Variants in DNM3 observed in about 807,000 individuals in gnomAD.
DNM3 encodes dynamin-3.
DNM3 carries 47 observed loss-of-function variants against 101.6 expected under a neutral mutation model. The observed-to-expected ratio is 0.46, with a 90% CI of 0.37 to 0.59. The LOEUF (loss-of-function observed/expected upper bound fraction) is 0.59. DNM3 is among the 20% of genes least tolerant of loss of function. The probability of loss-of-function intolerance (pLI) is 0.00; values close to 1 mark genes in which losing one functional copy is unlikely to be tolerated. For missense variants in DNM3, 849 were observed against 1,085.7 expected (o/e 0.78, Z 3.06); for synonymous variants, 385 against 387.9 (o/e 0.99, Z 0.09).
intron 2 of DNM3, among the ~76,000 whole-genome samples, chr1:171,945,681 G>A (rs999581514): frequency 6.6e-6 from 1 of 152,110 alleles, no homozygotes; most frequent in African/African-American, 2.4e-5. Context: ...ACTGAAAAGT[G>A]TCTTCCTAAA....
chr1:172,387,623 A>G lies in DNM3; in HGVS notation c.2285+264A>G, dbSNP rs535206282. Among the ~76,000 whole-genome samples, 32 of 150,878 alleles carry G rather than the reference A, an allele frequency of 2.1e-4. No individual in the cohort carries two copies. The South Asian group carries it at 6.5e-3, about 31-fold the overall frequency. ...GCAGTGAGCCGAGATCGTGCACTGC[A>G]CTCCAGCCTGGGTGACAGAGCAAGA... is the stretch of plus-strand genomic sequence containing the variant. On this transcript the variant is annotated intron_variant, in intron 19 of 20. Coordinates refer to ENST00000627582, the MANE Select transcript of DNM3 (RefSeq NM_015569.5).
intron 14 of DNM3, among the ~76,000 whole-genome samples, chr1:172,143,512 T>C: frequency 6.6e-6 from 1 of 150,462 alleles, no homozygotes; most frequent in South Asian, 2.2e-4. Flanking sequence ...CCCTCCCACC[T>C]TCCTCCCCCT....
intron 1 of DNM3, among the ~76,000 whole-genome samples, chr1:171,880,033 A>G (rs1467132057): frequency 6.6e-6 from 1 of 152,216 alleles, no homozygotes; most frequent in Admixed American, 6.5e-5. Flanking sequence ...TGCTAGTTAC[A>G]AGGGAGTCTG....
chr1:172,211,319 A>C (rs1035899118), intron 14 of DNM3, among the ~76,000 whole-genome samples: 1 of 152,110 alleles, frequency 6.6e-6, no homozygotes, highest in Admixed American at 6.6e-5. Context: ...ATCCAGCTGA[A>C]ACTGAACCGT....
At chr1:172,303,745 AT>A (rs1476072956) in intron 15 of DNM3, among the ~76,000 whole-genome samples, 1 of 152,314 alleles carries the variant, frequency 6.6e-6, no homozygotes, top group Non-Finnish European at 1.5e-5. Context: ...AAAGAAAAGA[AT>A]TTTCAACCCA....
chr1:172,078,321 T>G (rs954378930), intron 11 of DNM3, among the ~76,000 whole-genome samples: 1 of 152,198 alleles, frequency 6.6e-6, no homozygotes, highest in African/African-American at 2.4e-5. Flanking sequence ...CTCTATCTCC[T>G]CACCTTGTGA....
chr1:172,081,878 A>G lies in DNM3; in HGVS notation c.1469A>G (p.His490Arg). ...DIQVSYINTNHEDFIGFANAQ... is the reference protein window; with the variant it reads ...DIQVSYINTNREDFIGFANAQ... ...CAAGTCTCTTACATCAACACCAACC[A>G]TGAAGACTTCATTGGCTTCGCAAAG... is the stretch of plus-strand genomic sequence containing the variant. The change falls in exon 12 of 21, where the codon CAT (histidine) becomes CGT (arginine). Residue 490 changes from histidine to arginine, a missense_variant. Transcript: ENST00000627582. 1.2e-6 allele frequency: 2 copies of G among 1,613,376 alleles called. No homozygotes were observed. Among genetic ancestry groups the G allele is most frequent in the Non-Finnish European group, 8.5e-7 (1 of 1,179,580 alleles).
At chr1:172,126,960 A>G (rs61807784) in intron 13 of DNM3, among the ~76,000 whole-genome samples, 30,893 of 152,060 alleles carry the variant, frequency 0.2, 4,200 homozygotes, top group Non-Finnish European at 0.31. Context: ...TCACGTGTGC[A>G]AAGTGCTGCT....
At chr1:171,939,299 TC>T (rs2041661343) in intron 2 of DNM3, among the ~76,000 whole-genome samples, 1 of 152,220 alleles carries the variant, frequency 6.6e-6, no homozygotes, top group African/African-American at 2.4e-5. Flanking sequence ...GTATTATATT[TC>T]TCTTTGAAGT....
At chr1:172,292,619 A>G (rs397833845) in intron 15 of DNM3, among the ~76,000 whole-genome samples, 3,652 of 145,266 alleles carry the variant, frequency 0.025, 148 homozygotes, top group African/African-American at 0.089. Flanking sequence ...ACACACACAC[A>G]CACACGCGCG....
chr1:172,314,007 T>A (rs1343237953), intron 16 of DNM3, among the ~76,000 whole-genome samples: 1 of 144,420 alleles, frequency 6.9e-6, no homozygotes, highest in Non-Finnish European at 1.5e-5. Context: ...ACACTGTTGG[T>A]GGGAGTGTAA....
At position 172,290,470 on chromosome 1, in the gene DNM3, T is replaced by A. The variant is rs144537641; in HGVS notation, c.1770-18258T>A. On this transcript the variant is annotated intron_variant, in intron 15 of 20. Transcript: ENST00000627582. ...CTGCAAATAAAAAGGCCAATGTGGC[T>A]GGAGCAGAATGAGGATGGGAAGAAT... Among the ~76,000 whole-genome samples the A allele has an allele frequency of 1.8e-4, 27 of 152,276 alleles. No homozygotes were observed. The East Asian group carries it at 5.0e-3, about 28-fold the overall frequency.
chr1:172,203,898 A>G (rs1477763882), intron 14 of DNM3, among the ~76,000 whole-genome samples: 1 of 152,180 alleles, frequency 6.6e-6, no homozygotes, highest in Non-Finnish European at 1.5e-5. Flanking sequence ...AACCAGCTTG[A>G]TTCTTCATTT....
At chr1:172,040,906 G>A (rs951121355) in intron 7 of DNM3, among the ~76,000 whole-genome samples, 1 of 152,112 alleles carries the variant, frequency 6.6e-6, no homozygotes, top group Admixed American at 6.6e-5. Context: ...GCTTCCTTAT[G>A]GTTGGCTGGA....
chr1:172,142,193 C>T (rs2148164856), intron 14 of DNM3: 1 of 152,114 alleles, frequency 6.6e-6, no homozygotes, highest in South Asian at 2.1e-4. Context: ...TTAGTTTCCT[C>T]TGGAATAGAT....
chr1:172,280,064 C>G (rs1557924641), intron 15 of DNM3, among the ~76,000 whole-genome samples: 1 of 152,114 alleles, frequency 6.6e-6, no homozygotes, highest in South Asian at 2.1e-4. Flanking sequence ...TCACCCTGCT[C>G]CAGTGATACT....
At chr1:172,140,295 G>A (rs1050954484) in intron 14 of DNM3, 1 of 151,864 alleles carries the variant, frequency 6.6e-6, no homozygotes, top group Non-Finnish European at 1.5e-5. Context: ...TTCTGTTTCG[G>A]CCATCACTTT....
downstream of DNM3, among the ~76,000 whole-genome samples, chr1:172,413,741 T>G (rs2071331360): frequency 6.6e-6 from 1 of 152,226 alleles, no homozygotes; most frequent in South Asian, 2.1e-4. Context: ...ATTTTCTTTC[T>G]GCGATCAGGG....
At chr1:172,320,338 T>A (rs2065643567) in intron 16 of DNM3, among the ~76,000 whole-genome samples, 1 of 149,558 alleles carries the variant, frequency 6.7e-6, no homozygotes, top group Admixed American at 6.7e-5. Flanking sequence ...CATATGTAAC[T>A]AACCTGAACA....
Sources: allele counts gnomAD v4.1 joint callset (sites outside exome capture counted in the v4.1 genomes callset), GRCh38; gene constraint gnomAD v4.1.1; transcripts MANE v1.5; gene names NCBI Gene and HGNC (gene_info 2026-07-23, HGNC 2026-07-21).